The following CEP135 variants were observed in gnomAD, a reference collection of about 807,000 sequenced individuals.
CEP135 encodes centrosomal protein 135.
CEP135 carries 142 observed loss-of-function variants against 157.3 expected under a neutral mutation model. That is an observed-to-expected ratio of 0.90 (90% CI 0.79 to 1.04). The LOEUF (loss-of-function observed/expected upper bound fraction) is 1.04, where lower values mean the gene tolerates loss of function less well. Ranked by LOEUF, CEP135 falls within the 50% of genes least tolerant of loss-of-function variation. The probability of loss-of-function intolerance (pLI) is 0.00; values close to 1 mark genes in which losing one functional copy is unlikely to be tolerated. For missense variants in CEP135, 1,317 were observed against 1,309.2 expected, an observed-to-expected ratio of 1.01 and a Z score of -0.09; for synonymous variants, 396 against 439.8, an observed-to-expected ratio of 0.90 and a Z score of 1.25.
chr4:56,023,480 A>T (rs1411209220), intron 24 of CEP135, among the ~76,000 whole-genome samples: 1 of 151,710 alleles, frequency 6.6e-6, no homozygotes, highest in Admixed American at 6.6e-5. Context: ...AATTAAATTT[A>T]TCTGTAAGTT....
chr4:56,000,190 T>G (rs1730115906), intron 17 of CEP135, among the ~76,000 whole-genome samples: 1 of 152,084 alleles, frequency 6.6e-6, no homozygotes, highest in Non-Finnish European at 1.5e-5. Context: ...ACCCTGCCTC[T>G]AAATAAATAA....
chr4:55,949,243 T>TCCCA (rs1406594156), intron 1 of CEP135, among the ~76,000 whole-genome samples, 184 bp downstream of exon 1: 3 of 142,628 alleles, frequency 2.1e-5, no homozygotes, highest in Non-Finnish European at 4.6e-5. Flanking sequence ...CCCACCCCGC[T>TCCCA]CCCACACCCC....
chr4:56,027,776 C>G (rs1414399259), intron 25 of CEP135, among the ~76,000 whole-genome samples: 1 of 152,050 alleles, frequency 6.6e-6, no homozygotes, highest in Admixed American at 6.6e-5. Context: ...AAACCTCAAA[C>G]TCTCCTGAGC....
chr4:56,017,924 A>G, intron 22 of CEP135, 67 bp downstream of exon 22: 1 of 1,316,178 alleles, frequency 7.6e-7, no homozygotes, highest in Non-Finnish European at 1.1e-6. Context: ...TTACTTTAGT[A>G]TTCACCACAC....
At chr4:56,030,409 T>C (rs1731299778) in intron 25 of CEP135, among the ~76,000 whole-genome samples, 1 of 152,242 alleles carries the variant, frequency 6.6e-6, no homozygotes, top group Admixed American at 6.5e-5. Flanking sequence ...CAAAATATCA[T>C]TATGGAACAT....
intron 10 of CEP135, among the ~76,000 whole-genome samples, 167 bp downstream of exon 10, chr4:55,971,575 CT>C (rs1375266070): frequency 1.1e-4 from 16 of 152,074 alleles, no homozygotes; most frequent in Non-Finnish European, 5.9e-5. Context: ...AAATCTCTCC[CT>C]CAAGGACCTT....
chr4:55,965,849 G>A lies in CEP135; in HGVS notation c.1034G>A (p.Gly345Glu), dbSNP rs1474619565. ...CTTGAGACTGCTGATAAAGAGCTTG[G>A]GGAAGCAAAGGTAATGAATGATATG... ...EVLETADKEL[G>E]EAKKEIKRKL... The change falls in exon 8 of 26, where the codon GGG becomes GAG. Residue 345 changes from glycine (G) to glutamate (E), a missense_variant. Physicochemically the swap from Gly to Glu is moderately conservative, Grantham distance 98 (BLOSUM62 -2). Transcript: ENST00000257287. 1 of 1,611,902 alleles carries A rather than the reference G, an allele frequency of 6.2e-7. No individual in the cohort carries two copies. The highest frequency in any genetic ancestry group is 8.5e-7 in the Non-Finnish European group (1 of 1,178,532).
chr4:56,021,030 T>C (rs528781272), intron 24 of CEP135, among the ~76,000 whole-genome samples: 1 of 152,318 alleles, frequency 6.6e-6, no homozygotes, highest in South Asian at 2.1e-4. Flanking sequence ...AATTGTTTAA[T>C]AATCTGAAAA....
chr4:55,994,125 C>T (rs1465235446), intron 15 of CEP135, among the ~76,000 whole-genome samples: 1 of 152,032 alleles, frequency 6.6e-6, no homozygotes, highest in African/African-American at 2.4e-5. Context: ...ACCATGATAC[C>T]CGGCACTCTT....
chr4:55,957,508 T>G, intron 5 of CEP135, 144 bp downstream of exon 5: 1 of 614,656 alleles, frequency 1.6e-6, no homozygotes, highest in Non-Finnish European at 2.7e-6. Flanking sequence ...CAGTAAATAC[T>G]TCCAGATTGA....
At chr4:55,960,452 A>G (rs1728642215) in intron 6 of CEP135, 1 of 152,312 alleles carries the variant, frequency 6.6e-6, no homozygotes, top group Non-Finnish European at 1.5e-5. Flanking sequence ...GATTTGGGTA[A>G]TTATAGGCTT....
At chr4:55,988,236 T>G (rs1577888642) in intron 14 of CEP135, among the ~76,000 whole-genome samples, 21 of 134,994 alleles carry the variant, frequency 1.6e-4, no homozygotes, top group African/African-American at 2.5e-4. Flanking sequence ...GGGCGGGGGG[T>G]GAGGGGGAAG....
rs370424127 is a variant in CEP135, at chr4:55,994,007, T to C, written c.2009+1922T>C. 3.9e-5 allele frequency among the ~76,000 whole-genome samples: 6 copies of C among 152,186 alleles called. No homozygotes were observed. The East Asian group carries it at 1.2e-3, about 29-fold the overall frequency. On this transcript the variant is annotated intron_variant, in intron 15 of 25. Transcript: ENST00000257287. The stretch of plus-strand genomic sequence containing the variant: ...TGCTCTAACAGAAAAATATGACTTA[T>C]CTTGTCTCTTAGGAAAGTGTATCAA...
At chr4:56,004,337 A>G (rs1231635673) in intron 17 of CEP135, among the ~76,000 whole-genome samples, 3 of 152,322 alleles carry the variant, frequency 2.0e-5, no homozygotes, top group East Asian at 1.9e-4. Flanking sequence ...ACTATGGTCT[A>G]TTCTGTAGAA....
rs1730889999 is a variant in CEP135 at position 56,019,351 on chromosome 4, A to T, written c.3013-2A>T. ...AGTAATCTTACTTTGTTTTTCACGT[A>T]GGTTGTGGTGGAATTAGAAAATGTA... On this transcript the variant is annotated splice_acceptor_variant, in intron 22 of 25. Coordinates refer to ENST00000257287, the MANE Select transcript of CEP135 (RefSeq NM_025009.5). LOFTEE classifies it high-confidence loss of function. 1 of 1,603,460 alleles carries T rather than the reference A, an allele frequency of 6.2e-7. No homozygotes were observed. Among genetic ancestry groups the T allele is most frequent in the Admixed American group, 1.7e-5 (1 of 57,660 alleles).
intron 14 of CEP135, among the ~76,000 whole-genome samples, chr4:55,991,622 T>C (rs533471121): frequency 3.9e-4 from 59 of 152,266 alleles, no homozygotes; most frequent in African/African-American, 1.3e-3. Flanking sequence ...TATTTACTTA[T>C]TGTGTTTTAG....
At chr4:55,971,957 C>T (rs1290099150) in intron 10 of CEP135, among the ~76,000 whole-genome samples, 1 of 152,022 alleles carries the variant, frequency 6.6e-6, no homozygotes, top group Non-Finnish European at 1.5e-5. Flanking sequence ...TCAAGATCAG[C>T]CTGGCTAACA....
At chr4:55,965,466 C>T in intron 7 of CEP135, 178 bp from the exon 8 acceptor site, 1 of 515,546 alleles carries the variant, frequency 1.9e-6, no homozygotes, top group Non-Finnish European at 3.4e-6. Context: ...TATGTACTTT[C>T]ATTACACTGC....
intron 7 of CEP135, 93 bp downstream of exon 7, chr4:55,964,495 G>T: frequency 9.8e-7 from 1 of 1,023,110 alleles, no homozygotes. Context: ...TTGTAAAAGT[G>T]GCAGGAGTTG....
Sources: allele counts gnomAD v4.1 joint callset (sites outside exome capture counted in the v4.1 genomes callset), GRCh38; gene constraint gnomAD v4.1.1; transcripts MANE v1.5; gene names NCBI Gene and HGNC (gene_info 2026-07-23, HGNC 2026-07-21).